Variants in DTNB observed in about 807,000 individuals in gnomAD.
The protein encoded by DTNB is DTN-B.
In DTNB, 63 loss-of-function variants were observed where a neutral mutation model predicts 90.7. The ratio of observed to expected loss-of-function variants is 0.69; its 90% CI spans 0.57 to 0.86. The LOEUF (loss-of-function observed/expected upper bound fraction) is 0.86, where lower values mean the gene tolerates loss of function less well. Ranked by LOEUF, DTNB falls within the 40% of genes least tolerant of loss-of-function variation. The probability of loss-of-function intolerance (pLI) is 0.00; values close to 1 mark genes in which losing one functional copy is unlikely to be tolerated. For synonymous variants in DTNB, 277 were observed against 286.7 expected (o/e 0.97, Z 0.34); for missense variants, 744 against 807.1 (o/e 0.92, Z 0.95).
intron 16 of DTNB, among the ~76,000 whole-genome samples, chr2:25,408,558 A>T (rs536555251): frequency 0.011 from 1,651 of 151,046 alleles, 51 homozygotes; most frequent in African/African-American, 0.039. Context: ...AAAAAAAAAA[A>T]AAAAAGCACC....
intron 16 of DTNB, among the ~76,000 whole-genome samples, chr2:25,410,885 ATGTTACTT>A (rs1296257430): frequency 2.0e-5 from 3 of 150,472 alleles, no homozygotes; most frequent in Non-Finnish European, 4.4e-5. Context: ...TGCCCTGCTT[ATGTTACTT>A]TAATGTAAGT....
intron 9 of DTNB, among the ~76,000 whole-genome samples, chr2:25,517,144 A>G (rs2075282227): frequency 6.6e-6 from 1 of 152,254 alleles, no homozygotes; most frequent in East Asian, 1.9e-4. Context: ...TTTATTCTTG[A>G]AACAAATGGA....
At chr2:25,673,241 C>A in intron 1 of DTNB, 145 bp downstream of exon 1, 1 of 151,880 alleles carries the variant, frequency 6.6e-6, no homozygotes, top group South Asian at 2.0e-4. Context: ...TCCCCGCGCC[C>A]TCCCCGACTC....
At chr2:25,557,479 G>A (rs1054534974) in intron 8 of DTNB, among the ~76,000 whole-genome samples, 2 of 152,206 alleles carry the variant, frequency 1.3e-5, no homozygotes, top group African/African-American at 4.8e-5. Flanking sequence ...ACATGGTACA[G>A]ACACACTAAA....
chr2:25,607,316 C>T lies in DTNB; in HGVS notation c.368G>A (p.Gly123Asp), dbSNP rs759922501. 8.1e-6 allele frequency: 13 copies of T among 1,597,622 alleles called. No homozygotes were observed. The highest frequency in any genetic ancestry group is 1.7e-5 in the Admixed American group (1 of 57,970). Residue 123 changes from glycine to aspartate, a missense_variant, in exon 5 of 21, where the codon GGC becomes GAC. By Grantham distance (94) the Gly-to-Asp change is moderately conservative. Coordinates refer to ENST00000406818, the MANE Select transcript of DTNB (RefSeq NM_021907.5). ...TGAAAATACCGTCAACTTGCCTCGG[C>T]CCTCACTGCAAAATAAATTATATTA... ...NFMIAAYDSE[G>D]RGKLTVFSVK...
chr2:25,502,801 G>T (rs1431488587), intron 9 of DTNB, among the ~76,000 whole-genome samples: 1 of 150,376 alleles, frequency 6.6e-6, no homozygotes, highest in Non-Finnish European at 1.5e-5. Flanking sequence ...CAGGAGAATG[G>T]CATGAACCCA....
chr2:25,598,215 TAC>T (rs769774035), intron 5 of DTNB, among the ~76,000 whole-genome samples: 4 of 152,140 alleles, frequency 2.6e-5, no homozygotes, highest in East Asian at 3.9e-4. Flanking sequence ...CTCCTTCTTC[TAC>T]CTGGAGTGCA....
rs191334887 is a variant in DTNB at position 25,628,212 on chromosome 2, A to G, written c.321T>C (p.Ser107=). ...PSTHQISVEQ[S]ISLLLNFMIA... Reference sequence around the variant, plus strand: ...TCATAAAGTTGAGGAGGAGGCTGATAGATTGTTCCACACTAATTTGGTGAG... The same window carrying G: ...TCATAAAGTTGAGGAGGAGGCTGATGGATTGTTCCACACTAATTTGGTGAG... The change falls in exon 4 of 21, where the codon TCT becomes TCC. Residue 107 remains serine (S), a synonymous_variant. Coordinates refer to ENST00000406818, the MANE Select transcript of DTNB (RefSeq NM_021907.5). 6.0e-5 allele frequency: 97 copies of G among 1,613,896 alleles called. No individual in the cohort carries two copies. The highest frequency in any genetic ancestry group is 8.1e-5 in the Non-Finnish European group (96 of 1,179,890).
At chr2:25,482,990 G>A (rs568632888) in intron 9 of DTNB, 117 bp from the exon 10 acceptor site, 54 of 1,031,728 alleles carry the variant, frequency 5.2e-5, no homozygotes, top group African/African-American at 3.9e-4. Context: ...AAGCACAGAC[G>A]GACCCATGGG....
chr2:25,478,603 T>C (rs1197961772), intron 10 of DTNB, among the ~76,000 whole-genome samples: 3 of 152,040 alleles, frequency 2.0e-5, no homozygotes, highest in Non-Finnish European at 4.4e-5. Flanking sequence ...GGCATGATCA[T>C]AGCTCACTGC....
intron 8 of DTNB, among the ~76,000 whole-genome samples, chr2:25,576,226 T>TG (rs2060639403): frequency 2.1e-5 from 3 of 144,068 alleles, no homozygotes; most frequent in South Asian, 4.6e-4. Context: ...GTTTTGTTTT[T>TG]TTTTTTTTTT....
intron 12 of DTNB, among the ~76,000 whole-genome samples, chr2:25,442,965 GT>G (rs1463593240): frequency 6.6e-6 from 1 of 152,186 alleles, no homozygotes; most frequent in Non-Finnish European, 1.5e-5. Flanking sequence ...TTCTCATTCT[GT>G]TATTAGGTCA....
At chr2:25,644,666 T>C (rs1035342439) in intron 2 of DTNB, among the ~76,000 whole-genome samples, 3 of 152,110 alleles carry the variant, frequency 2.0e-5, no homozygotes, top group Non-Finnish European at 4.4e-5. Context: ...GACAGGATAA[T>C]GACTTGAACC....
chr2:25,492,982 A>G (rs2067904349), intron 9 of DTNB, among the ~76,000 whole-genome samples: 1 of 152,238 alleles, frequency 6.6e-6, no homozygotes, highest in South Asian at 2.1e-4. Flanking sequence ...TCATGCAGAC[A>G]GCCACGTACT....
chr2:25,499,631 C>G (rs2069965481), intron 9 of DTNB, among the ~76,000 whole-genome samples: 1 of 152,234 alleles, frequency 6.6e-6, no homozygotes, highest in East Asian at 1.9e-4. Flanking sequence ...GCTATATTCT[C>G]TCATAGTATC....
intron 8 of DTNB, among the ~76,000 whole-genome samples, chr2:25,572,574 G>A (rs1035121662): frequency 6.6e-6 from 1 of 151,730 alleles, no homozygotes; most frequent in Non-Finnish European, 1.5e-5. Context: ...TGGGCCAGGT[G>A]GGCTCTGGCA....
chr2:25,565,785 G>A (rs906665051), intron 8 of DTNB, among the ~76,000 whole-genome samples: 2 of 152,032 alleles, frequency 1.3e-5, no homozygotes, highest in African/African-American at 4.8e-5. Context: ...ATGTTGTATA[G>A]TCCTTTGTAT....
At chr2:25,524,638 G>A (rs577482415) in intron 9 of DTNB, among the ~76,000 whole-genome samples, 2 of 152,152 alleles carry the variant, frequency 1.3e-5, no homozygotes, top group South Asian at 2.1e-4. Flanking sequence ...TGAGGCAGGT[G>A]GTATGTGTCA....
chr2:25,488,775 C>G (rs889814232), intron 9 of DTNB, among the ~76,000 whole-genome samples: 2 of 152,126 alleles, frequency 1.3e-5, no homozygotes, highest in African/African-American at 4.8e-5. Context: ...CTCACCCTCC[C>G]GAGTAGCTGG....
Sources: gnomAD v4.1 joint callset for allele counts (sites outside exome capture counted in the v4.1 genomes callset) on GRCh38, gnomAD v4.1.1 for gene constraint, MANE v1.5 for transcripts, NCBI Gene and HGNC (gene_info 2026-07-23, HGNC 2026-07-21) for gene names.